TMEM163: variants seen among roughly 807,000 people sequenced by gnomAD.
The protein encoded by TMEM163 is transmembrane protein 163.
TMEM163 carries 17 observed loss-of-function variants against 29.3 expected under a neutral mutation model. That is an observed-to-expected ratio of 0.58 (90% CI 0.40 to 0.87). TMEM163 has a LOEUF of 0.87. Among genes scored for constraint, TMEM163 ranks in the 40% least tolerant of loss-of-function variants. The pLI is 0.00. For synonymous variants in TMEM163, 157 were observed against 160.6 expected (o/e 0.98, Z 0.17); for missense variants, 303 against 381.5 (o/e 0.79, Z 1.71).
intron 5 of TMEM163, among the ~76,000 whole-genome samples, chr2:134,499,112 T>C (rs979187661): frequency 2.0e-5 from 3 of 152,140 alleles, no homozygotes; most frequent in Non-Finnish European, 4.4e-5. Context: ...CCCATATTAA[T>C]ATACGCATCA....
chr2:134,470,229 C>A (rs927696408), intron 5 of TMEM163, among the ~76,000 whole-genome samples: 2 of 151,992 alleles, frequency 1.3e-5, no homozygotes, highest in African/African-American at 2.4e-5. Context: ...CGGTGGCGGG[C>A]GCCTGTAGTC....
chr2:134,484,010 C>T (rs535150409), intron 5 of TMEM163, among the ~76,000 whole-genome samples: 3 of 152,158 alleles, frequency 2.0e-5, no homozygotes, highest in East Asian at 3.9e-4. Flanking sequence ...GGTGTGGTGG[C>T]GTGCCTGTAA....
chr2:134,533,675 C>T (rs1680464991), intron 4 of TMEM163, among the ~76,000 whole-genome samples: 1 of 152,152 alleles, frequency 6.6e-6, no homozygotes, highest in Admixed American at 6.5e-5. Context: ...ATTATATAAG[C>T]AGATCACATC....
intron 2 of TMEM163, among the ~76,000 whole-genome samples, chr2:134,587,491 A>G (rs950364746): frequency 6.6e-6 from 1 of 152,188 alleles, no homozygotes; most frequent in Non-Finnish European, 1.5e-5. Context: ...ACCTGAACGC[A>G]GCAGGCCTCA....
chr2:134,627,185 C>A (rs996170466), intron 2 of TMEM163, among the ~76,000 whole-genome samples: 1 of 152,066 alleles, frequency 6.6e-6, no homozygotes. Flanking sequence ...ATGTCTTTTT[C>A]CTGTGTCTCT....
chr2:134,668,793 C>A lies in TMEM163; in HGVS notation c.322+44407G>T, dbSNP rs79430903. ...GTCACACACACACAAAAAAAATCTACGAAGGGGACTAAGCATACATGTATA... is the reference window on the plus strand; with the variant it reads ...GTCACACACACACAAAAAAAATCTAAGAAGGGGACTAAGCATACATGTATA... On this transcript the variant is annotated intron_variant, in intron 2 of 7. Transcript: ENST00000281924. 2.4e-3 allele frequency among the ~76,000 whole-genome samples: 367 copies of A among 152,136 alleles called. 12 individuals are homozygous for A. The East Asian group carries it at 0.066, about 27-fold the overall frequency.
intron 2 of TMEM163, among the ~76,000 whole-genome samples, chr2:134,641,420 C>G (rs540024787): frequency 3.0e-4 from 45 of 152,118 alleles, no homozygotes; most frequent in Non-Finnish European, 5.3e-4. Context: ...TCTTTGCGAA[C>G]TGAGCATAGA....
At chr2:134,682,747 TA>T (rs1489900250) in intron 2 of TMEM163, among the ~76,000 whole-genome samples, 1 of 152,120 alleles carries the variant, frequency 6.6e-6, no homozygotes, top group Non-Finnish European at 1.5e-5. Context: ...TTCTCACTCT[TA>T]CCAAAAATTG....
In TMEM163 at chr2:134,565,431, C is replaced by A. The variant is rs529513612; in HGVS notation, c.323-13340G>T. Among the ~76,000 whole-genome samples the A allele has an allele frequency of 2.0e-3, 302 of 152,072 alleles. 1 individual carries two copies. The highest frequency in any genetic ancestry group is 3.9e-3 in the Non-Finnish European group (262 of 67,984). ...GACCAGCCTGGCCAACATGGTGAAA[C>A]CTCGTCTCTACTGAAAATACAAAAA... On this transcript the variant is annotated intron_variant, in intron 2 of 7. Coordinates refer to ENST00000281924, the MANE Select transcript of TMEM163 (RefSeq NM_030923.5).
intron 2 of TMEM163, among the ~76,000 whole-genome samples, chr2:134,649,200 TA>T (rs1452004591): frequency 1.3e-5 from 2 of 152,088 alleles, no homozygotes; most frequent in African/African-American, 4.8e-5. Context: ...TCAAACTCAC[TA>T]AAAAATCAAG....
At chr2:134,656,672 A>C (rs1249946689) in intron 2 of TMEM163, among the ~76,000 whole-genome samples, 1 of 152,214 alleles carries the variant, frequency 6.6e-6, no homozygotes. Context: ...GTCTTGTTCC[A>C]GTTCTCAAGG....
chr2:134,529,749 A>G (rs894361413), intron 4 of TMEM163, among the ~76,000 whole-genome samples: 2 of 152,052 alleles, frequency 1.3e-5, no homozygotes, highest in South Asian at 4.2e-4. Flanking sequence ...TAGGCGACAC[A>G]GCAAGACCCT....
intron 4 of TMEM163, among the ~76,000 whole-genome samples, chr2:134,522,902 G>T (rs754527961): frequency 1.3e-5 from 2 of 152,198 alleles, no homozygotes; most frequent in Non-Finnish European, 2.9e-5. Flanking sequence ...AAAGAAAAAT[G>T]CCGTGTGGCT....
At chr2:134,458,968 C>T (rs946236107) in intron 6 of TMEM163, 3 of 152,072 alleles carry the variant, frequency 2.0e-5, no homozygotes, top group African/African-American at 7.3e-5. Flanking sequence ...TGTGATACTT[C>T]TACTTTACCA....
intron 4 of TMEM163, among the ~76,000 whole-genome samples, chr2:134,546,299 G>A (rs60944508): frequency 0.16 from 24,341 of 152,086 alleles, 4,695 homozygotes; most frequent in African/African-American, 0.46. Context: ...AATGTCCATC[G>A]ATGGATGAAT....
At chr2:134,585,466 G>A (rs556193333) in intron 2 of TMEM163, among the ~76,000 whole-genome samples, 10 of 152,302 alleles carry the variant, frequency 6.6e-5, no homozygotes, top group African/African-American at 2.2e-4. Flanking sequence ...TGGAATGGCC[G>A]AGTGGGGTGG....
chr2:134,701,862 C>T (rs6713834), intron 2 of TMEM163, among the ~76,000 whole-genome samples: 43,832 of 146,754 alleles, frequency 0.3, 8,137 homozygotes, highest in African/African-American at 0.52. Context: ...AGGTTGCAGA[C>T]AGCTGAGATC....
chr2:134,470,189 C>T (rs1265290742), intron 5 of TMEM163, among the ~76,000 whole-genome samples: 1 of 152,110 alleles, frequency 6.6e-6, no homozygotes, highest in Non-Finnish European at 1.5e-5. Context: ...AACCTCGTCT[C>T]TACTAAAAAT....
chr2:134,548,020 A>C (rs1680829786), intron 4 of TMEM163, among the ~76,000 whole-genome samples: 1 of 152,218 alleles, frequency 6.6e-6, no homozygotes, highest in Admixed American at 6.5e-5. Context: ...ATCAGATTAA[A>C]AAGCAAATTA....
Sources: allele counts gnomAD v4.1 joint callset (sites outside exome capture counted in the v4.1 genomes callset), GRCh38; gene constraint gnomAD v4.1.1; transcripts MANE v1.5; gene names NCBI Gene and HGNC (gene_info 2026-07-23, HGNC 2026-07-21).